KCNIP4: variants seen among roughly 807,000 people sequenced by gnomAD.
KCNIP4 encodes the protein Kv channel-interacting protein 4.
Under a neutral mutation model 34.0 loss-of-function variants are expected in KCNIP4, and 12 were observed. The ratio of observed to expected loss-of-function variants is 0.35; its 90% CI spans 0.23 to 0.57. The LOEUF (loss-of-function observed/expected upper bound fraction) is 0.57. Among genes scored for constraint, KCNIP4 ranks in the 20% least tolerant of loss-of-function variants. The pLI is 0.83. For missense variants in KCNIP4, 238 were observed against 311.7 expected (o/e 0.76, Z 1.78); for synonymous variants, 124 against 102.2 (o/e 1.21, Z -1.29).
At chr4:21,111,465 C>G (rs1749160477) in intron 1 of KCNIP4, among the ~76,000 whole-genome samples, 1 of 152,200 alleles carries the variant, frequency 6.6e-6, no homozygotes, top group African/African-American at 2.4e-5. Context: ...TGGCAACCAT[C>G]TCCAAGTAAA....
chr4:20,905,901 C>T (rs2149560592), intron 1 of KCNIP4, among the ~76,000 whole-genome samples: 1 of 152,200 alleles, frequency 6.6e-6, no homozygotes, highest in Non-Finnish European at 1.5e-5. Context: ...TTCACCACCT[C>T]TTTAAAGGCT....
chr4:21,091,966 C>T (rs1360746198), intron 1 of KCNIP4, among the ~76,000 whole-genome samples: 1 of 152,046 alleles, frequency 6.6e-6, no homozygotes, highest in Non-Finnish European at 1.5e-5. Flanking sequence ...GTTATACTGA[C>T]AAGGAAACCA....
intron 1 of KCNIP4, among the ~76,000 whole-genome samples, chr4:21,154,591 G>C (rs1753010471): frequency 6.6e-6 from 1 of 152,156 alleles, no homozygotes; most frequent in Non-Finnish European, 1.5e-5. Flanking sequence ...ACTTGCCTAT[G>C]CAACATCCAT....
chr4:20,891,993 T>C (rs1725962058), intron 1 of KCNIP4, among the ~76,000 whole-genome samples: 1 of 152,198 alleles, frequency 6.6e-6, no homozygotes, highest in African/African-American at 2.4e-5. Context: ...GTTCATATGC[T>C]GGTAATAATT....
At chr4:21,580,028 G>A (rs1459217061) in intron 1 of KCNIP4, among the ~76,000 whole-genome samples, 1 of 152,040 alleles carries the variant, frequency 6.6e-6, no homozygotes, top group Non-Finnish European at 1.5e-5. Context: ...TAATATAGGT[G>A]CCCAAATATG....
intron 1 of KCNIP4, among the ~76,000 whole-genome samples, chr4:20,960,747 C>A (rs548511529): frequency 1.3e-5 from 2 of 152,254 alleles, no homozygotes; most frequent in South Asian, 4.2e-4. Flanking sequence ...ATTAGTGAAC[C>A]AGAAATGAAA....
chr4:21,836,899 A>T (rs915864825), intron 1 of KCNIP4, among the ~76,000 whole-genome samples: 1 of 148,538 alleles, frequency 6.7e-6, no homozygotes, highest in African/African-American at 2.5e-5. Flanking sequence ...TGGAAGCTCA[A>T]AAAAGCTGGG....
intron 3 of KCNIP4, among the ~76,000 whole-genome samples, chr4:20,812,239 C>T (rs1715861349): frequency 6.6e-6 from 1 of 151,888 alleles, no homozygotes; most frequent in Admixed American, 6.6e-5. Flanking sequence ...GAATATATTT[C>T]CAGGAAAAAG....
chr4:21,218,519 T>C (rs904169012), intron 1 of KCNIP4, among the ~76,000 whole-genome samples: 2 of 152,184 alleles, frequency 1.3e-5, no homozygotes, highest in Non-Finnish European at 1.5e-5. Context: ...TTCATATGAA[T>C]GAATGAGTAT....
rs1272936084 is a variant in KCNIP4 at position 20,754,837 on chromosome 4, T to G, written c.358+3984A>C. ...TTTAATGTGGAGCTCTATCCAAGTT[T>G]TAGTATGTAATAACTTGATTTGAAA... On this transcript the variant is annotated intron_variant, in intron 4 of 8. Coordinates refer to ENST00000382152, the MANE Select transcript of KCNIP4 (RefSeq NM_025221.6). Among the ~76,000 whole-genome samples the G allele has an allele frequency of 2.0e-5, 3 of 152,252 alleles. No homozygotes were observed. The East Asian group carries it at 5.8e-4, about 29-fold the overall frequency.
chr4:21,734,764 G>T (rs1241875327), intron 1 of KCNIP4, among the ~76,000 whole-genome samples: 1 of 151,990 alleles, frequency 6.6e-6, no homozygotes, highest in African/African-American at 2.4e-5. Context: ...TACAATCCAG[G>T]TCTTGAATGT....
At chr4:21,472,205 G>C (rs897465584) in intron 1 of KCNIP4, among the ~76,000 whole-genome samples, 12 of 152,106 alleles carry the variant, frequency 7.9e-5, no homozygotes, top group Non-Finnish European at 1.8e-4. Flanking sequence ...AATGGAATGA[G>C]AGTAGACACA....
chr4:20,927,061 C>T (rs112071600), intron 1 of KCNIP4, among the ~76,000 whole-genome samples: 20,495 of 151,656 alleles, frequency 0.14, 1,932 homozygotes, highest in African/African-American at 0.28. Flanking sequence ...TCACTGCAAC[C>T]TCCGCCTCCT....
intron 3 of KCNIP4, among the ~76,000 whole-genome samples, chr4:20,786,093 C>G (rs1358803543): frequency 6.6e-6 from 1 of 152,094 alleles, no homozygotes; most frequent in Non-Finnish European, 1.5e-5. Context: ...TGTACATATA[C>G]AGCATGCAAT....
chr4:21,105,650 G>T (rs190072548), intron 1 of KCNIP4, among the ~76,000 whole-genome samples: 1 of 151,784 alleles, frequency 6.6e-6, no homozygotes, highest in East Asian at 1.9e-4. Flanking sequence ...GGAGTGGTGG[G>T]AGAGGGTATC....
At chr4:21,016,409 C>T (rs1739549349) in intron 1 of KCNIP4, among the ~76,000 whole-genome samples, 1 of 151,720 alleles carries the variant, frequency 6.6e-6, no homozygotes, top group Non-Finnish European at 1.5e-5. Context: ...CGCCATTCTC[C>T]TGCCTCATCC....
intron 3 of KCNIP4, among the ~76,000 whole-genome samples, chr4:20,822,619 G>T (rs1373726244): frequency 1.3e-5 from 2 of 152,150 alleles, no homozygotes; most frequent in African/African-American, 4.8e-5. Flanking sequence ...AAGAGACTCT[G>T]AACTTTAGAA....
intron 1 of KCNIP4, among the ~76,000 whole-genome samples, chr4:20,937,707 A>G (rs957257284): frequency 2.0e-5 from 3 of 152,224 alleles, no homozygotes; most frequent in African/African-American, 7.2e-5. Context: ...AAGTTTTCAC[A>G]TGGCCCAACT....
intron 1 of KCNIP4, among the ~76,000 whole-genome samples, chr4:20,938,065 G>T (rs772641556): frequency 8.5e-5 from 13 of 152,082 alleles, no homozygotes; most frequent in Non-Finnish European, 1.9e-4. Flanking sequence ...CATGAACAGG[G>T]TTTCTCATAA....
Sources: gnomAD v4.1 joint callset for allele counts (sites outside exome capture counted in the v4.1 genomes callset) on GRCh38, gnomAD v4.1.1 for gene constraint, MANE v1.5 for transcripts, NCBI Gene and HGNC (gene_info 2026-07-23, HGNC 2026-07-21) for gene names.